Variants in FOXO1 observed in about 807,000 individuals in gnomAD.
The protein encoded by FOXO1 is forkhead box protein O1.
In FOXO1, 6 loss-of-function variants were observed where a neutral mutation model predicts 44.1. The ratio of observed to expected loss-of-function variants is 0.14; its 90% CI spans 0.07 to 0.27. The LOEUF (loss-of-function observed/expected upper bound fraction) is 0.27. Among genes scored for constraint, FOXO1 ranks in the 10% least tolerant of loss-of-function variants. The pLI is 1.00. For synonymous variants in FOXO1, 380 were observed against 362.7 expected (o/e 1.05, Z -0.54); for missense variants, 737 against 888.8 (o/e 0.83, Z 2.17).
intron 1 of FOXO1, among the ~76,000 whole-genome samples, chr13:40,653,862 A>G (rs1426420638): frequency 6.6e-6 from 1 of 152,234 alleles, no homozygotes; most frequent in Non-Finnish European, 1.5e-5. Flanking sequence ...AAACAGAAAC[A>G]CATATTTTCC....
chr13:40,561,748 C>A (rs529515779), intron 1 of FOXO1, among the ~76,000 whole-genome samples: 2 of 152,062 alleles, frequency 1.3e-5, no homozygotes, highest in Non-Finnish European at 2.9e-5. Context: ...GCAGGCAGAT[C>A]ACCTGAGGTC....
chr13:40,591,238 G>C (rs528665710), intron 1 of FOXO1, among the ~76,000 whole-genome samples: 2 of 152,334 alleles, frequency 1.3e-5, no homozygotes, highest in South Asian at 2.1e-4. Flanking sequence ...CACCTTGAAA[G>C]GGGGCAAGCT....
chr13:40,607,046 A>G (rs1000868180), intron 1 of FOXO1, among the ~76,000 whole-genome samples: 6 of 152,172 alleles, frequency 3.9e-5, no homozygotes, highest in African/African-American at 1.4e-4. Flanking sequence ...CCCTTCCCAG[A>G]AAGCTCTCTA....
At chr13:40,577,959 G>A (rs1272373245) in intron 1 of FOXO1, among the ~76,000 whole-genome samples, 1 of 152,132 alleles carries the variant, frequency 6.6e-6, no homozygotes, top group Admixed American at 6.5e-5. Flanking sequence ...CAAAATAAAA[G>A]AGTTTTATCA....
chr13:40,577,728 A>G (rs755817203), intron 1 of FOXO1, among the ~76,000 whole-genome samples: 2 of 152,162 alleles, frequency 1.3e-5, no homozygotes, highest in Non-Finnish European at 2.9e-5. Flanking sequence ...GTCGGGATTT[A>G]AAAATATTAT....
chr13:40,592,491 A>G (rs1310984693), intron 1 of FOXO1, among the ~76,000 whole-genome samples: 1 of 152,232 alleles, frequency 6.6e-6, no homozygotes, highest in Admixed American at 6.5e-5. Flanking sequence ...AGAAAAGACA[A>G]CTTAAACCAG....
At chr13:40,646,063 G>A (rs1440731306) in intron 1 of FOXO1, among the ~76,000 whole-genome samples, 2 of 138,922 alleles carry the variant, frequency 1.4e-5, no homozygotes, top group Non-Finnish European at 3.1e-5. Flanking sequence ...GGGAAACTCC[G>A]TCTCAAAAAA....
At chr13:40,607,286 G>T (rs1876040234) in intron 1 of FOXO1, among the ~76,000 whole-genome samples, 1 of 152,220 alleles carries the variant, frequency 6.6e-6, no homozygotes, top group Admixed American at 6.5e-5. Context: ...CTAGCAAAAT[G>T]CTGGGGACAC....
chr13:40,606,924 A>T (rs1295351935), intron 1 of FOXO1, among the ~76,000 whole-genome samples: 1 of 152,228 alleles, frequency 6.6e-6, no homozygotes. Context: ...GACCAAAGTC[A>T]TATCATGCAA....
intron 1 of FOXO1, among the ~76,000 whole-genome samples, chr13:40,624,480 C>T (rs1321795809): frequency 2.0e-5 from 3 of 152,104 alleles, no homozygotes; most frequent in Admixed American, 1.3e-4. Flanking sequence ...TCACTTATAA[C>T]ATGTGTTGTA....
intron 1 of FOXO1, among the ~76,000 whole-genome samples, chr13:40,588,556 C>T (rs1196892713): frequency 1.3e-5 from 2 of 152,112 alleles, no homozygotes; most frequent in Non-Finnish European, 1.5e-5. Context: ...TTGGGGGGGA[C>T]ATTTACTCCA....
At chr13:40,601,137 A>G (rs1167974171) in intron 1 of FOXO1, among the ~76,000 whole-genome samples, 5 of 152,196 alleles carry the variant, frequency 3.3e-5, no homozygotes, top group African/African-American at 1.2e-4. Flanking sequence ...AGACTACAGT[A>G]ACTTCTGCCA....
At chr13:40,631,944 A>C (rs1876976005) in intron 1 of FOXO1, among the ~76,000 whole-genome samples, 1 of 152,148 alleles carries the variant, frequency 6.6e-6, no homozygotes, top group Non-Finnish European at 1.5e-5. Flanking sequence ...TTTACCACAA[A>C]TTTTAAAAAA....
intron 1 of FOXO1, among the ~76,000 whole-genome samples, chr13:40,627,097 C>G (rs561256340): frequency 2.6e-5 from 4 of 152,196 alleles, no homozygotes; most frequent in Admixed American, 2.6e-4. Flanking sequence ...ATCACCTTTG[C>G]TTCTTTTCCA....
intron 1 of FOXO1, among the ~76,000 whole-genome samples, chr13:40,664,506 CCTT>C (rs1000053287): frequency 1.6e-4 from 24 of 152,252 alleles, no homozygotes; most frequent in African/African-American, 5.5e-4. Context: ...CAAAAATCCT[CCTT>C]CAAGGCACCG....
intron 1 of FOXO1, among the ~76,000 whole-genome samples, chr13:40,618,563 G>A (rs1366450859): frequency 6.6e-6 from 1 of 152,176 alleles, no homozygotes; most frequent in Non-Finnish European, 1.5e-5. Context: ...GCAGAGTTAT[G>A]AAACCAAGAA....
chr13:40,623,484 T>C (rs955014354), intron 1 of FOXO1, among the ~76,000 whole-genome samples: 1 of 152,246 alleles, frequency 6.6e-6, no homozygotes, highest in Non-Finnish European at 1.5e-5. Flanking sequence ...GAATGCTGGG[T>C]TTGAAAATCA....
At chr13:40,661,556 CA>C (rs1451305686) in intron 1 of FOXO1, among the ~76,000 whole-genome samples, 1 of 151,812 alleles carries the variant, frequency 6.6e-6, no homozygotes, top group Non-Finnish European at 1.5e-5. Flanking sequence ...CTTAGCCTCC[CA>C]AAGTGCTGGG....
At chr13:40,588,982 G>A (rs570844779) in intron 1 of FOXO1, among the ~76,000 whole-genome samples, 1 of 152,208 alleles carries the variant, frequency 6.6e-6, no homozygotes, top group South Asian at 2.1e-4. Context: ...GTGCATGCCT[G>A]TAATCCCGGC....
Sources: gnomAD v4.1 joint callset for allele counts (sites outside exome capture counted in the v4.1 genomes callset) on GRCh38, gnomAD v4.1.1 for gene constraint, MANE v1.5 for transcripts, NCBI Gene and HGNC (gene_info 2026-07-23, HGNC 2026-07-21) for gene names.